The following EXOC6 variants were observed in gnomAD, a reference collection of about 807,000 sequenced individuals.
EXOC6 encodes SEC15-like 1.
In EXOC6, 60 loss-of-function variants were observed where a neutral mutation model predicts 112.5. The observed-to-expected ratio is 0.53, with a 90% CI of 0.43 to 0.66. EXOC6 has a LOEUF of 0.66. EXOC6 is among the 30% of genes least tolerant of loss of function. The pLI is 0.00. For missense variants in EXOC6, 855 were observed against 957.1 expected (o/e 0.89, Z 1.41); for synonymous variants, 295 against 308.0 (o/e 0.96, Z 0.44).
chr10:93,011,667 A>C (rs11818640), intron 19 of EXOC6, among the ~76,000 whole-genome samples: 1,580 of 152,342 alleles, frequency 0.01, 29 homozygotes, highest in African/African-American at 0.036. Context: ...TATGTAATAT[A>C]AAAGGTATAA....
chr10:92,998,921 G>C (rs1426042746), intron 19 of EXOC6, among the ~76,000 whole-genome samples: 1 of 151,974 alleles, frequency 6.6e-6, no homozygotes, highest in Non-Finnish European at 1.5e-5. Context: ...ACCCAGGCTG[G>C]AGTGCAGTGG....
chr10:92,843,551 T>C (rs1468535295), upstream of EXOC6, among the ~76,000 whole-genome samples: 1 of 152,198 alleles, frequency 6.6e-6, no homozygotes, highest in African/African-American at 2.4e-5. Context: ...GTACCCTACC[T>C]CTAAAAGCAT....
upstream of EXOC6, among the ~76,000 whole-genome samples, chr10:92,830,223 A>T (rs144856768): frequency 4.2e-4 from 64 of 152,300 alleles, no homozygotes; most frequent in African/African-American, 1.5e-3. Context: ...TCTCGTAACA[A>T]ACATAATGCT....
At chr10:93,006,375 C>T (rs1362893595) in intron 19 of EXOC6, among the ~76,000 whole-genome samples, 2 of 152,054 alleles carry the variant, frequency 1.3e-5, no homozygotes, top group East Asian at 3.9e-4. Context: ...GTTTGGATAC[C>T]TGAATTTGTT....
At chr10:92,866,654 A>C (rs567282313) in intron 1 of EXOC6, among the ~76,000 whole-genome samples, 2 of 152,290 alleles carry the variant, frequency 1.3e-5, no homozygotes, top group South Asian at 2.1e-4. Flanking sequence ...ATGTAGGGTA[A>C]TGTTAGCTTA....
intron 7 of EXOC6, among the ~76,000 whole-genome samples, chr10:92,919,094 G>A (rs1438067136): frequency 3.9e-5 from 6 of 152,114 alleles, no homozygotes; most frequent in South Asian, 4.2e-4. Flanking sequence ...CTCCTTTGAG[G>A]TTCAGAATGT....
At chr10:92,896,181 ATTTTTTTTTTTTTTTTTTTTTTTT>A (rs58783356) in intron 4 of EXOC6, among the ~76,000 whole-genome samples, 2 of 10,236 alleles carry the variant, frequency 2.0e-4, no homozygotes, top group African/African-American at 1.4e-3. Flanking sequence ...ATATATATAT[ATTTTTTTTTTTTTTTTTTTTTTTT>A]TTTTTTTTTT....
At chr10:92,945,184 C>A (rs1320091984) in intron 13 of EXOC6, among the ~76,000 whole-genome samples, 2 of 152,144 alleles carry the variant, frequency 1.3e-5, no homozygotes, top group Non-Finnish European at 2.9e-5. Flanking sequence ...TGATAAATAT[C>A]TATTCAGGTC....
intron 4 of EXOC6, among the ~76,000 whole-genome samples, chr10:92,896,083 G>GTGTA (rs1849749820): frequency 1.1e-5 from 1 of 92,484 alleles, no homozygotes; most frequent in African/African-American, 4.1e-5. Context: ...ATATATATGT[G>GTGTA]TATATATATA....
At chr10:92,828,440 T>A (rs1440889411) in intron 1 of EXOC6, among the ~76,000 whole-genome samples, 1 of 152,160 alleles carries the variant, frequency 6.6e-6, no homozygotes, top group African/African-American at 2.4e-5. Flanking sequence ...CTCAAGTGAT[T>A]CTCCTGCCTC....
intron 1 of EXOC6, among the ~76,000 whole-genome samples, chr10:92,853,630 A>T (rs192232955): frequency 3.3e-4 from 51 of 152,384 alleles, no homozygotes; most frequent in African/African-American, 1.1e-3. Flanking sequence ...AAGGCAATTC[A>T]GTAGAAAGAG....
chr10:92,866,834 A>G (rs117343509), intron 1 of EXOC6, among the ~76,000 whole-genome samples: 3,853 of 152,282 alleles, frequency 0.025, 68 homozygotes, highest in South Asian at 0.057. Context: ...GTTAGTTTCC[A>G]TAAGAATTTT....
intron 1 of EXOC6, among the ~76,000 whole-genome samples, chr10:92,839,355 A>T (rs934281926): frequency 6.6e-6 from 1 of 152,120 alleles, no homozygotes; most frequent in African/African-American, 2.4e-5. Context: ...GTCCGGGGCC[A>T]TGTTCGAGGA....
At chr10:92,844,510 C>T (rs1213036865), upstream of EXOC6, among the ~76,000 whole-genome samples, 2 of 152,076 alleles carry the variant, frequency 1.3e-5, no homozygotes, top group Non-Finnish European at 2.9e-5. Flanking sequence ...GTTTCCCTCT[C>T]TACAAAAGCA....
intron 18 of EXOC6, among the ~76,000 whole-genome samples, chr10:92,982,617 A>G (rs2134126942): frequency 6.6e-6 from 1 of 152,356 alleles, no homozygotes; most frequent in Non-Finnish European, 1.5e-5. Context: ...AACTCAAGAA[A>G]TCAAGCACAG....
chr10:93,007,325 T>A (rs1334033637), intron 19 of EXOC6, among the ~76,000 whole-genome samples: 1 of 152,110 alleles, frequency 6.6e-6, no homozygotes, highest in Non-Finnish European at 1.5e-5. Context: ...ACTCATGTTT[T>A]GCCTACAGGT....
At chr10:93,056,832 C>A in intron 20 of EXOC6, 92 bp from the exon 21 acceptor site, 1 of 694,204 alleles carries the variant, frequency 1.4e-6, no homozygotes, top group Non-Finnish European at 2.5e-6. Flanking sequence ...AGAAGCAAGC[C>A]ATATTAAAAT....
In EXOC6 at chr10:92,899,660, TC is replaced by T. The variant is rs746496573; in HGVS notation, c.458+18del. On this transcript the variant is annotated intron_variant, in intron 5 of 21. Coordinates refer to ENST00000260762, the MANE Select transcript of EXOC6 (RefSeq NM_019053.6). ...GTGCCAAAAGGTGAGTTGGTTTTTT[TC>T]CTATTGTTTTAAATAAGAATTTTTT... The T allele has an allele frequency of 1.9e-5, 31 of 1,596,532 alleles. 1 individual carries two copies. Among genetic ancestry groups the T allele is most frequent in the African/African-American group, 1.1e-4 (8 of 74,376 alleles).
In EXOC6 at chr10:93,058,212, T is replaced by C; in HGVS notation, c.2283-11T>C. On this transcript the variant is annotated splice_polypyrimidine_tract_variant and intron_variant, in intron 21 of 21. Transcript: ENST00000260762. ...CTTTTACCAAGCTTCTTCATTCACATATGTTTCTAGGATGAAGGATACTAG... is the reference window on the plus strand; with the variant it reads ...CTTTTACCAAGCTTCTTCATTCACACATGTTTCTAGGATGAAGGATACTAG... 6.3e-7 allele frequency: 1 copy of C among 1,595,946 alleles called. No homozygotes were observed. Among genetic ancestry groups the C allele is most frequent in the Admixed American group, 1.9e-5 (1 of 53,902 alleles).
Sources: allele counts gnomAD v4.1 joint callset (sites outside exome capture counted in the v4.1 genomes callset), GRCh38; gene constraint gnomAD v4.1.1; transcripts MANE v1.5; gene names NCBI Gene and HGNC (gene_info 2026-07-23, HGNC 2026-07-21).